The following CDH7 variants were observed in gnomAD, a reference collection of about 807,000 sequenced individuals.
The protein encoded by CDH7 is cadherin-7.
In CDH7, 25 loss-of-function variants were observed where a neutral mutation model predicts 71.8. That is an observed-to-expected ratio of 0.35 (90% confidence interval 0.25 to 0.49). CDH7 has a LOEUF of 0.49. Among genes scored for constraint, CDH7 ranks in the 20% least tolerant of loss-of-function variants. The pLI, the probability that CDH7 is intolerant of heterozygous loss-of-function variation, is 0.99. For missense variants in CDH7, 862 were observed against 974.6 expected (o/e 0.88, Z 1.54); for synonymous variants, 381 against 363.8 (o/e 1.05, Z -0.54).
chr18:65,804,422 G>T (rs930246248), intron 2 of CDH7, among the ~76,000 whole-genome samples: 1 of 152,072 alleles, frequency 6.6e-6, no homozygotes, highest in Admixed American at 6.6e-5. Flanking sequence ...ATATTGAATT[G>T]ATTGTTTTTA....
intron 1 of CDH7, among the ~76,000 whole-genome samples, chr18:65,751,706 A>G (rs1371842515): frequency 6.6e-6 from 1 of 152,102 alleles, no homozygotes; most frequent in African/African-American, 2.4e-5. Flanking sequence ...TGTAATTAGT[A>G]TTCTGCTGAT....
At chr18:65,825,949 A>G (rs988745673) in intron 6 of CDH7, among the ~76,000 whole-genome samples, 10 of 151,792 alleles carry the variant, frequency 6.6e-5, no homozygotes, top group African/African-American at 2.4e-4. Context: ...ATCTGAAATC[A>G]ATCTGTTCAC....
At chr18:65,784,460 G>A (rs746039283) in intron 2 of CDH7, among the ~76,000 whole-genome samples, 6 of 152,064 alleles carry the variant, frequency 3.9e-5, no homozygotes, top group African/African-American at 9.7e-5. Flanking sequence ...AGTAAGTAGC[G>A]TATAAGAAAG....
intron 6 of CDH7, among the ~76,000 whole-genome samples, chr18:65,830,936 C>T (rs565748618): frequency 6.6e-6 from 1 of 151,972 alleles, no homozygotes; most frequent in East Asian, 1.9e-4. Flanking sequence ...TCATAGCCTG[C>T]GTCTAGCTTC....
chr18:65,855,337 C>A (rs1913314054), intron 7 of CDH7, among the ~76,000 whole-genome samples: 1 of 130,510 alleles, frequency 7.7e-6, no homozygotes. Context: ...TAAACGTCTA[C>A]CAACATTGAC....
chr18:65,781,780 T>TTTCTA (rs1568181302), intron 2 of CDH7, among the ~76,000 whole-genome samples: 7 of 59,160 alleles, frequency 1.2e-4, no homozygotes, highest in African/African-American at 2.6e-4. Context: ...CCTTCCTTCC[T>TTTCTA]TCCTTCCTTC....
chr18:65,756,525 G>A (rs1916034215), intron 1 of CDH7, among the ~76,000 whole-genome samples: 1 of 152,178 alleles, frequency 6.6e-6, no homozygotes, highest in Non-Finnish European at 1.5e-5. Flanking sequence ...ATTACCAATT[G>A]ATAATAAGCT....
At chr18:65,856,492 T>G (rs1422992301) in intron 7 of CDH7, among the ~76,000 whole-genome samples, 1 of 151,942 alleles carries the variant, frequency 6.6e-6, no homozygotes, top group Non-Finnish European at 1.5e-5. Context: ...GGATAGAGAG[T>G]AAGATGCTTG....
intron 11 of CDH7, among the ~76,000 whole-genome samples, chr18:65,870,476 T>C (rs1913895689): frequency 1.3e-5 from 2 of 152,116 alleles, no homozygotes; most frequent in Admixed American, 1.3e-4. Flanking sequence ...ACGTCTCTGC[T>C]TGAAACATTT....
At chr18:65,827,891 A>T (rs529830664) in intron 6 of CDH7, among the ~76,000 whole-genome samples, 2 of 152,054 alleles carry the variant, frequency 1.3e-5, no homozygotes, top group Non-Finnish European at 2.9e-5. Flanking sequence ...AAAGATGTTT[A>T]AAAAATACCT....
intron 2 of CDH7, among the ~76,000 whole-genome samples, chr18:65,809,351 C>T (rs1228346230): frequency 1.3e-5 from 2 of 152,182 alleles, no homozygotes; most frequent in African/African-American, 4.8e-5. Flanking sequence ...TAGATCAAAT[C>T]AACCCATTAT....
chr18:65,756,661 G>A (rs1916037581), intron 1 of CDH7, among the ~76,000 whole-genome samples: 1 of 152,210 alleles, frequency 6.6e-6, no homozygotes, highest in African/African-American at 2.4e-5. Flanking sequence ...AGAAAGTTTG[G>A]TGGAATGTGG....
At chr18:65,838,286 T>G (rs1568212599) in intron 6 of CDH7, among the ~76,000 whole-genome samples, 2 of 152,298 alleles carry the variant, frequency 1.3e-5, no homozygotes. Context: ...ATGGTCTCAC[T>G]CAAGCCCATT....
At chr18:65,860,459 G>A (rs1913524289) in intron 10 of CDH7, among the ~76,000 whole-genome samples, 1 of 151,992 alleles carries the variant, frequency 6.6e-6, no homozygotes, top group African/African-American at 2.4e-5. Context: ...ATACCTACAA[G>A]TAGATTTTAG....
At chr18:65,778,412 G>T (rs1910039434) in intron 2 of CDH7, among the ~76,000 whole-genome samples, 1 of 151,388 alleles carries the variant, frequency 6.6e-6, no homozygotes, top group Non-Finnish European at 1.5e-5. Flanking sequence ...AGAGGAAACT[G>T]GTTTCTTTTT....
rs114764602 is a variant in CDH7 at position 65,836,451 on chromosome 18, T to C, written c.982-7361T>C. ...TAATATTCCTCAATATTAACTTGTGTTACTAGATGATGAAAATAATATCTC... is the reference window on the plus strand; with the variant it reads ...TAATATTCCTCAATATTAACTTGTGCTACTAGATGATGAAAATAATATCTC... On this transcript the variant is annotated intron_variant, in intron 6 of 11. Coordinates refer to ENST00000397968, the MANE Select transcript of CDH7 (RefSeq NM_004361.5). 1.7e-3 allele frequency among the ~76,000 whole-genome samples: 257 copies of C among 152,294 alleles called. 3 individuals carry two copies. The highest frequency in any genetic ancestry group is 5.8e-3 in the African/African-American group (239 of 41,556).
chr18:65,859,716 G>A lies in CDH7; in HGVS notation c.1503G>A (p.Gln501=). The A allele has an allele frequency of 1.3e-6, 2 of 1,597,544 alleles. No individual in the cohort carries two copies. Among genetic ancestry groups the A allele is most frequent in the Non-Finnish European group, 1.7e-6 (2 of 1,165,142 alleles). The change falls in exon 10 of 12, where the codon CAG becomes CAA. Residue 501 remains glutamine (Q), a synonymous_variant. Coordinates refer to ENST00000397968, the MANE Select transcript of CDH7 (RefSeq NM_004361.5). ...CENAQPGQVI[Q]KISAVDKDEP... ...ACTTTCTCTTTTCCTAGGTTATCCA[G>A]AAAATCAGTGCTGTGGATAAAGATG...
chr18:65,888,252 TGGAATAA>T lies in CDH7; in HGVS notation c.*7360_*7366del, dbSNP rs1914422487. The T allele has an allele frequency of 6.6e-6, 1 of 152,104 alleles. No individual in the cohort carries two copies. Among genetic ancestry groups the T allele is most frequent in the African/African-American group, 2.4e-5 (1 of 41,414 alleles). 9.4% of individuals were successfully genotyped at this position (152,104 alleles called of 1,614,324 possible). A position where few individuals can be genotyped will look rare whatever the true frequency, so the allele number is the denominator to read the frequency against. ...GATGTATACAAAGTGTACTCTGAAT[TGGAATAA>T]GTGTAGGAAGACAAGCCGTGAGAAT... On this transcript the variant is annotated 3_prime_UTR_variant, in exon 12 of 12. Coordinates refer to ENST00000397968, the MANE Select transcript of CDH7 (RefSeq NM_004361.5).
At chr18:65,803,453 A>G (rs1038066948) in intron 2 of CDH7, 2 of 152,164 alleles carry the variant, frequency 1.3e-5, no homozygotes, top group African/African-American at 2.4e-5. Context: ...TTGTAAAACA[A>G]TTAATATCTT....
Sources: allele counts gnomAD v4.1 joint callset (sites outside exome capture counted in the v4.1 genomes callset), GRCh38; gene constraint gnomAD v4.1.1; transcripts MANE v1.5; gene names NCBI Gene and HGNC (gene_info 2026-07-23, HGNC 2026-07-21).